The following SLMAP variants were observed in gnomAD, a reference collection of about 807,000 sequenced individuals.
The protein encoded by SLMAP is sarcolemma associated protein, also known as sarcolemmal membrane-associated protein.
A neutral mutation model predicts 128.8 loss-of-function variants in SLMAP; 44 were observed. That is an observed-to-expected ratio of 0.34 (90% CI 0.27 to 0.44). The LOEUF is 0.44. Ranked by LOEUF, SLMAP falls within the 20% of genes least tolerant of loss-of-function variation. The probability of loss-of-function intolerance (pLI) is 1.00; values close to 1 mark genes in which losing one functional copy is unlikely to be tolerated. For missense variants in SLMAP, 787 were observed against 985.3 expected (o/e 0.80, Z 2.69); for synonymous variants, 327 against 348.8 (o/e 0.94, Z 0.70).
chr3:57,823,368 T>C (rs9877320), intron 2 of SLMAP, among the ~76,000 whole-genome samples: 16,146 of 151,324 alleles, frequency 0.11, 2,947 homozygotes, highest in African/African-American at 0.37. Context: ...TATCCCTCCC[T>C]CCTCCCACCA....
intron 2 of SLMAP, among the ~76,000 whole-genome samples, chr3:57,802,148 C>T (rs558487120): frequency 6.6e-5 from 10 of 152,230 alleles, no homozygotes; most frequent in Non-Finnish European, 7.4e-5. Flanking sequence ...TCATTCTATA[C>T]AGTTACGCAA....
At chr3:57,894,900 A>G (rs959630297) in intron 15 of SLMAP, among the ~76,000 whole-genome samples, 1 of 152,206 alleles carries the variant, frequency 6.6e-6, no homozygotes, top group African/African-American at 2.4e-5. Context: ...AAATTCTGCT[A>G]TGTAAAGCTT....
Position 57,912,634 on chromosome 3 carries a change from A to G in SLMAP, c.1953A>G (p.Gln651=). Residue 651 remains glutamine, a synonymous_variant, in exon 20 of 25, where the codon CAA becomes CAG. Transcript: ENST00000671191. ...ATGAGAAAGAAATCACAAGTCTGCA[A>G]AACAGTTTTCAGCTTAGATGTCAAC... is the stretch of plus-strand genomic sequence containing the variant. ...SEYEKEITSL[Q]NSFQLRCQQC... The G allele has an allele frequency of 6.2e-7, 1 of 1,614,152 alleles. No individual in the cohort carries two copies. Among genetic ancestry groups the G allele is most frequent in the East Asian group, 2.2e-5 (1 of 44,886 alleles).
Position 57,885,771 on chromosome 3 carries a change from C to CTTTTTT in SLMAP, c.1301-4245_1301-4240dup, listed in dbSNP as rs35541333. 7.1e-4 allele frequency among the ~76,000 whole-genome samples: 38 copies of CTTTTTT among 53,582 alleles called. 3 individuals carry two copies. Among genetic ancestry groups the CTTTTTT allele is most frequent in the Non-Finnish European group, 8.9e-4 (27 of 30,198 alleles). The allele number at this position is 53,582 out of a possible 152,430, so 35.2% of individuals were successfully genotyped here. A position where few individuals can be genotyped will look rare whatever the true frequency, so the allele number is the denominator to read the frequency against. ...TTGTTTTGCTTTTCGGTTTTTGGTT[C>CTTTTTT]TTTTTTTTTTTTTTTTTTTTTTTTT... On this transcript the variant is annotated intron_variant, in intron 14 of 24. Coordinates refer to ENST00000671191, the MANE Select transcript of SLMAP (RefSeq NM_001377540.1).
intron 12 of SLMAP, 27 bp from the exon 13 acceptor site, chr3:57,865,215 G>A: frequency 2.4e-6 from 3 of 1,268,644 alleles, no homozygotes; most frequent in Non-Finnish European, 3.3e-6. Context: ...TCTTTGATCA[G>A]GCAATGATAT....
intron 2 of SLMAP, among the ~76,000 whole-genome samples, chr3:57,768,429 G>A (rs376577295): frequency 1.3e-5 from 2 of 152,196 alleles, no homozygotes; most frequent in South Asian, 4.1e-4. Flanking sequence ...CTCATAAAAA[G>A]TCAAGCAGGC....
intron 2 of SLMAP, among the ~76,000 whole-genome samples, chr3:57,767,568 A>T (rs971270047): frequency 6.6e-6 from 1 of 152,254 alleles, no homozygotes; most frequent in East Asian, 1.9e-4. Flanking sequence ...AATTATATAT[A>T]TGAACTATTA....
In SLMAP at chr3:57,912,635, A is replaced by C. The variant is rs1276302414; in HGVS notation, c.1954A>C (p.Asn652His). The C allele has an allele frequency of 3.1e-6, 5 of 1,614,136 alleles. No homozygotes were observed. The highest frequency in any genetic ancestry group is 4.2e-6 in the Non-Finnish European group (5 of 1,180,006). Reference protein sequence around the residue: ...EYEKEITSLQNSFQLRCQQCE... With the variant: ...EYEKEITSLQHSFQLRCQQCE... ...TGAGAAAGAAATCACAAGTCTGCAAAACAGTTTTCAGCTTAGATGTCAACA... is the reference window on the plus strand; with the variant it reads ...TGAGAAAGAAATCACAAGTCTGCAACACAGTTTTCAGCTTAGATGTCAACA... The change falls in exon 20 of 25, where the codon AAC (asparagine) becomes CAC (histidine). Residue 652 changes from asparagine to histidine, a missense_variant. Coordinates refer to ENST00000671191, the MANE Select transcript of SLMAP (RefSeq NM_001377540.1).
intron 14 of SLMAP, among the ~76,000 whole-genome samples, chr3:57,877,773 A>G (rs910100705): frequency 1.3e-5 from 2 of 150,956 alleles, no homozygotes; most frequent in Admixed American, 6.6e-5. Context: ...TATTCTTGAA[A>G]TTGGTCCCTT....
chr3:57,851,337 CAA>C (rs1345914279), intron 6 of SLMAP, among the ~76,000 whole-genome samples: 1 of 144,130 alleles, frequency 6.9e-6, no homozygotes, highest in African/African-American at 2.6e-5. Context: ...AAAAAGCAAA[CAA>C]GTGTTTTGGG....
In SLMAP at chr3:57,913,270, G is replaced by A; in HGVS notation, c.2133G>A (p.Leu711=). 1 of 1,401,376 alleles carries A rather than the reference G, an allele frequency of 7.1e-7. No individual in the cohort carries two copies. Among genetic ancestry groups the A allele is most frequent in the Non-Finnish European group, 1.0e-6 (1 of 996,488 alleles). 86.8% of individuals were successfully genotyped at this position (1,401,376 alleles called of 1,614,324 possible). Residue 711 remains leucine, a synonymous_variant, in exon 21 of 25, where the codon TTG becomes TTA. Coordinates refer to ENST00000671191, the MANE Select transcript of SLMAP (RefSeq NM_001377540.1). ...AACTGCAACGGCAAGAAAAAGAATT[G>A]CACAAGTATGCAAGAACTCTCTGTT... is the stretch of plus-strand genomic sequence containing the variant. ...SSELQRQEKE[L]HNSQKQSLEL...
chr3:57,861,257 T>C lies in SLMAP; in HGVS notation c.828+418T>C, dbSNP rs543108194. On this transcript the variant is annotated intron_variant, in intron 9 of 24. Coordinates refer to ENST00000671191, the MANE Select transcript of SLMAP (RefSeq NM_001377540.1). ...AGAGAGGAAAACTAGCTGTGTCATATATTTAGGAAGTTCAAAGGTGAAATC... is the reference window on the plus strand; with the variant it reads ...AGAGAGGAAAACTAGCTGTGTCATACATTTAGGAAGTTCAAAGGTGAAATC... Among the ~76,000 whole-genome samples the C allele has an allele frequency of 2.0e-5, 3 of 152,324 alleles. No homozygotes were observed. The South Asian group carries it at 6.2e-4, about 32-fold the overall frequency.
intron 2 of SLMAP, among the ~76,000 whole-genome samples, chr3:57,782,115 G>A (rs919994839): frequency 6.6e-6 from 1 of 152,068 alleles, no homozygotes; most frequent in Admixed American, 6.6e-5. Flanking sequence ...TTATTTGTTG[G>A]ATATAGGATA....
At chr3:57,926,682 TTAG>T (rs1387799247) in intron 24 of SLMAP, among the ~76,000 whole-genome samples, 12 of 152,240 alleles carry the variant, frequency 7.9e-5, no homozygotes, top group African/African-American at 2.9e-4. Flanking sequence ...GGCATGCATG[TTAG>T]TAGAGCATAT....
At chr3:57,901,403 G>C (rs1415969815) in intron 17 of SLMAP, 2 of 152,254 alleles carry the variant, frequency 1.3e-5, no homozygotes, top group African/African-American at 4.8e-5. Context: ...TTGTTTGTTT[G>C]TTTCAGAGGA....
chr3:57,854,370 G>C (rs941458038), intron 6 of SLMAP, among the ~76,000 whole-genome samples: 3 of 152,058 alleles, frequency 2.0e-5, no homozygotes, highest in Admixed American at 6.6e-5. Flanking sequence ...GGCCGAGGCA[G>C]GCAGATCACT....
At chr3:57,827,644 C>T (rs2153540449) in intron 2 of SLMAP, among the ~76,000 whole-genome samples, 1 of 152,320 alleles carries the variant, frequency 6.6e-6, no homozygotes, top group Non-Finnish European at 1.5e-5. Flanking sequence ...TCCTTACTCA[C>T]CTGCTCAACA....
intron 15 of SLMAP, among the ~76,000 whole-genome samples, chr3:57,891,937 G>A (rs1372318319): frequency 6.6e-6 from 1 of 152,100 alleles, no homozygotes; most frequent in Non-Finnish European, 1.5e-5. Flanking sequence ...TTTCAGTGTT[G>A]TTTAAAAGCA....
At chr3:57,768,988 T>G (rs1309923201) in intron 2 of SLMAP, among the ~76,000 whole-genome samples, 1 of 152,012 alleles carries the variant, frequency 6.6e-6, no homozygotes, top group Non-Finnish European at 1.5e-5. Context: ...TAGATAAATC[T>G]CTCTATATAA....
Sources: allele counts gnomAD v4.1 joint callset (sites outside exome capture counted in the v4.1 genomes callset), GRCh38; gene constraint gnomAD v4.1.1; transcripts MANE v1.5; gene names NCBI Gene and HGNC (gene_info 2026-07-23, HGNC 2026-07-21).